Variants in ATP9B observed in about 807,000 individuals in gnomAD.
ATP9B encodes the protein ATPase phospholipid transporting 9B.
Under a neutral mutation model 146.1 loss-of-function variants are expected in ATP9B, and 110 were observed. That is an observed-to-expected ratio of 0.75 (90% CI 0.65 to 0.88). The LOEUF is 0.88. Among genes scored for constraint, ATP9B ranks in the 40% least tolerant of loss-of-function variants. The pLI, the probability that ATP9B is intolerant of heterozygous loss-of-function variation, is 0.00. For missense variants in ATP9B, 1,499 were observed against 1,496.4 expected, an observed-to-expected ratio of 1.00 and a Z score of -0.03; for synonymous variants, 604 against 569.7, an observed-to-expected ratio of 1.06 and a Z score of -0.86.
intron 4 of ATP9B, among the ~76,000 whole-genome samples, chr18:79,121,166 G>A (rs1046343448): frequency 6.6e-6 from 1 of 152,158 alleles, no homozygotes; most frequent in Non-Finnish European, 1.5e-5. Context: ...CATCAATAAT[G>A]TACCCATCTA....
chr18:79,121,811 C>T (rs1000821590), intron 4 of ATP9B, among the ~76,000 whole-genome samples: 3 of 152,130 alleles, frequency 2.0e-5, no homozygotes, highest in Non-Finnish European at 4.4e-5. Flanking sequence ...GATCTTGTTT[C>T]CTCTTAAGAG....
chr18:79,197,558 T>C (rs2148203628), intron 9 of ATP9B, among the ~76,000 whole-genome samples: 1 of 152,202 alleles, frequency 6.6e-6, no homozygotes, highest in South Asian at 2.1e-4. Flanking sequence ...ATACTGTGTG[T>C]TAAGTGATAC....
At chr18:79,161,051 TA>T (rs74817111) in intron 7 of ATP9B, among the ~76,000 whole-genome samples, 20,546 of 152,202 alleles carry the variant, frequency 0.13, 1,964 homozygotes, top group East Asian at 0.37. Flanking sequence ...GTTATAGGTG[TA>T]AACCACTGAG....
chr18:79,149,670 ATTTCTGTCTAGAAT>A (rs1364917474), intron 6 of ATP9B, among the ~76,000 whole-genome samples: 1 of 152,062 alleles, frequency 6.6e-6, no homozygotes. Flanking sequence ...TTCAACAAAG[ATTTCTGTCTAGAAT>A]ATATAAAAAC....
chr18:79,274,181 A>T (rs752350473), intron 12 of ATP9B, among the ~76,000 whole-genome samples: 1 of 152,214 alleles, frequency 6.6e-6, no homozygotes, highest in African/African-American at 2.4e-5. Context: ...GGGGGGTGAC[A>T]TATTATGTTA....
intron 7 of ATP9B, among the ~76,000 whole-genome samples, chr18:79,170,498 C>G (rs1273790338): frequency 6.6e-6 from 1 of 152,158 alleles, no homozygotes; most frequent in African/African-American, 2.4e-5. Context: ...TTGGCCTTTT[C>G]ATTATTTAAT....
intron 15 of ATP9B, among the ~76,000 whole-genome samples, chr18:79,326,088 C>G (rs544891285): frequency 1.6e-3 from 89 of 55,474 alleles, no homozygotes; most frequent in African/African-American, 7.9e-3. Context: ...ACCTCTGTAC[C>G]CTCCCTCCCC....
At chr18:79,301,486 A>C (rs2146427251) in intron 13 of ATP9B, among the ~76,000 whole-genome samples, 1 of 152,288 alleles carries the variant, frequency 6.6e-6, no homozygotes, top group Admixed American at 6.5e-5. Context: ...CAAACAAACA[A>C]ATGTATGAAG....
intron 2 of ATP9B, among the ~76,000 whole-genome samples, chr18:79,104,948 G>A (rs1175012391): frequency 6.6e-6 from 1 of 152,010 alleles, no homozygotes; most frequent in Non-Finnish European, 1.5e-5. Context: ...TTTCTATGTT[G>A]TCTAGGCTGA....
chr18:79,164,760 A>T (rs1456211510), intron 7 of ATP9B, among the ~76,000 whole-genome samples: 3 of 152,158 alleles, frequency 2.0e-5, no homozygotes, highest in Non-Finnish European at 4.4e-5. Flanking sequence ...AGTTACATAG[A>T]TAGGGCAGAT....
At chr18:79,109,255 ATTTTAATACTGAAG>A (rs1168970584) in intron 2 of ATP9B, among the ~76,000 whole-genome samples, 1 of 152,168 alleles carries the variant, frequency 6.6e-6, no homozygotes, top group Non-Finnish European at 1.5e-5. Context: ...TTAAACCAAA[ATTTTAATACTGAAG>A]TTTAAATTCA....
At chr18:79,229,696 C>T (rs1408318586) in intron 11 of ATP9B, among the ~76,000 whole-genome samples, 1 of 152,146 alleles carries the variant, frequency 6.6e-6, no homozygotes, top group African/African-American at 2.4e-5. Context: ...AACCAGATTG[C>T]CAAGTTTCCT....
intron 7 of ATP9B, among the ~76,000 whole-genome samples, chr18:79,159,078 CT>C (rs1237614637): frequency 6.6e-6 from 1 of 152,178 alleles, no homozygotes; most frequent in Non-Finnish European, 1.5e-5. Context: ...ATGCACCTCT[CT>C]TTTGGTTACT....
At chr18:79,360,718 T>C (rs2096982971) in intron 26 of ATP9B, 1 of 152,214 alleles carries the variant, frequency 6.6e-6, no homozygotes, top group Non-Finnish European at 1.5e-5. Flanking sequence ...TCATTAGTGT[T>C]ATAATCAAGA....
chr18:79,242,829 T>C (rs2095902638), intron 11 of ATP9B, among the ~76,000 whole-genome samples: 1 of 152,214 alleles, frequency 6.6e-6, no homozygotes, highest in Admixed American at 6.5e-5. Flanking sequence ...TTTTAGATGG[T>C]TTAAAATAAT....
chr18:79,217,073 G>A lies in ATP9B; in HGVS notation c.1107+3035G>A, dbSNP rs537291465. ...AGAGTGCGTTCCCGACTGTAGAGCC[G>A]GGGAGATCACAAGGCATGGAGCCGT... On this transcript the variant is annotated intron_variant, in intron 11 of 29. Coordinates refer to ENST00000426216, the MANE Select transcript of ATP9B (RefSeq NM_198531.5). 9.2e-5 allele frequency among the ~76,000 whole-genome samples: 14 copies of A among 152,368 alleles called. No homozygotes were observed. In the South Asian group the frequency reaches 1.2e-3, roughly 14 times the overall value.
chr18:79,353,867 A>G (rs1437565652), intron 25 of ATP9B: 4 of 152,246 alleles, frequency 2.6e-5, no homozygotes. Context: ...GAAAGTTAAC[A>G]AAAGTAATTA....
At chr18:79,260,127 A>G (rs1178884181) in intron 12 of ATP9B, among the ~76,000 whole-genome samples, 1 of 152,206 alleles carries the variant, frequency 6.6e-6, no homozygotes, top group African/African-American at 2.4e-5. Flanking sequence ...AAGATACTAT[A>G]CTAGACTGGG....
intron 13 of ATP9B, among the ~76,000 whole-genome samples, chr18:79,301,508 A>G (rs1429966225): frequency 6.6e-6 from 1 of 152,250 alleles, no homozygotes; most frequent in Admixed American, 6.5e-5. Context: ...ACAAATGTAT[A>G]AAGCACTTGT....
Sources: allele counts gnomAD v4.1 joint callset (sites outside exome capture counted in the v4.1 genomes callset), GRCh38; gene constraint gnomAD v4.1.1; transcripts MANE v1.5; gene names NCBI Gene and HGNC (gene_info 2026-07-23, HGNC 2026-07-21).